Variants in TTC39C observed in about 807,000 individuals in gnomAD.
The protein encoded by TTC39C is tetratricopeptide repeat domain 39C.
In TTC39C, 33 loss-of-function variants were observed where a neutral mutation model predicts 76.3. That is an observed-to-expected ratio of 0.43 (90% CI 0.33 to 0.58). TTC39C has a LOEUF of 0.58. Among genes scored for constraint, TTC39C ranks in the 20% least tolerant of loss-of-function variants. The pLI is 0.04. For synonymous variants in TTC39C, 254 were observed against 260.6 expected (o/e 0.97, Z 0.24); for missense variants, 595 against 701.4 (o/e 0.85, Z 1.71).
At chr18:24,046,924 T>C (rs577593338) in intron 1 of TTC39C, among the ~76,000 whole-genome samples, 119 of 151,940 alleles carry the variant, frequency 7.8e-4, no homozygotes, top group Non-Finnish European at 1.1e-3. Context: ...ATAATGACTT[T>C]TGTTTCACTT....
chr18:24,031,388 C>G (rs566293514), intron 1 of TTC39C, among the ~76,000 whole-genome samples: 1 of 152,310 alleles, frequency 6.6e-6, no homozygotes, highest in African/African-American at 2.4e-5. Context: ...CAAAAGAACC[C>G]TGTTTTTATG....
chr18:24,020,533 G>A (rs778888713), intron 1 of TTC39C, among the ~76,000 whole-genome samples: 36 of 152,138 alleles, frequency 2.4e-4, no homozygotes, highest in Non-Finnish European at 3.2e-4. Flanking sequence ...GACCCCCAGC[G>A]GATACCAAAA....
At chr18:24,078,394 C>T (rs1339287801) in intron 4 of TTC39C, among the ~76,000 whole-genome samples, 1 of 152,174 alleles carries the variant, frequency 6.6e-6, no homozygotes, top group Non-Finnish European at 1.5e-5. Context: ...ATATTTTTAG[C>T]TATGACTTCT....
intron 1 of TTC39C, among the ~76,000 whole-genome samples, chr18:24,020,727 T>C (rs993131189): frequency 1.1e-4 from 17 of 152,210 alleles, no homozygotes; most frequent in African/African-American, 4.1e-4. Flanking sequence ...TCTGTATATC[T>C]AGTACTAATG....
intron 6 of TTC39C, among the ~76,000 whole-genome samples, chr18:24,091,983 C>T (rs1007062803): frequency 4.0e-5 from 6 of 150,274 alleles, no homozygotes; most frequent in Non-Finnish European, 3.0e-5. Context: ...GTCCCAGCTA[C>T]TCGGGAGGCT....
chr18:24,103,813 A>C (rs1389007433), intron 6 of TTC39C, among the ~76,000 whole-genome samples: 1 of 151,806 alleles, frequency 6.6e-6, no homozygotes, highest in African/African-American at 2.4e-5. Flanking sequence ...GTCTGCTCTA[A>C]CATATCTGTC....
At chr18:23,999,759 T>TC (rs1448075644) in intron 1 of TTC39C, among the ~76,000 whole-genome samples, 1 of 152,046 alleles carries the variant, frequency 6.6e-6, no homozygotes, top group African/African-American at 2.4e-5. Context: ...AAGCTGGAGC[T>TC]CCCCACTGAG....
chr18:24,029,488 C>A (rs2083641998), intron 1 of TTC39C, among the ~76,000 whole-genome samples: 1 of 152,156 alleles, frequency 6.6e-6, no homozygotes, highest in African/African-American at 2.4e-5. Flanking sequence ...ACTTAAAGCT[C>A]TTTGAGAAAA....
At chr18:24,047,137 A>G (rs1019132246) in intron 1 of TTC39C, among the ~76,000 whole-genome samples, 1 of 151,698 alleles carries the variant, frequency 6.6e-6, no homozygotes, top group African/African-American at 2.4e-5. Context: ...TCGGTCACAC[A>G]GGCTGGAGTG....
intron 1 of TTC39C, among the ~76,000 whole-genome samples, chr18:24,030,582 G>A (rs771331815): frequency 2.6e-5 from 4 of 151,074 alleles, no homozygotes; most frequent in Non-Finnish European, 5.9e-5. Flanking sequence ...CACGCTGTTC[G>A]TGTGTCACTG....
intron 7 of TTC39C, 67 bp from the exon 8 acceptor site, chr18:24,118,058 G>C (rs1465113915): frequency 2.4e-6 from 3 of 1,264,734 alleles, no homozygotes; most frequent in East Asian, 5.2e-5. Context: ...TCAGAGGCTC[G>C]TGGCTTAAAT....
chr18:24,107,066 C>G (rs1380134417), intron 6 of TTC39C, among the ~76,000 whole-genome samples: 3 of 152,198 alleles, frequency 2.0e-5, no homozygotes, highest in Non-Finnish European at 4.4e-5. Flanking sequence ...CTTTTCGCAA[C>G]TCTAGACGTG....
At chr18:24,112,869 C>G (rs1376601732) in intron 6 of TTC39C, among the ~76,000 whole-genome samples, 1 of 152,142 alleles carries the variant, frequency 6.6e-6, no homozygotes, top group Non-Finnish European at 1.5e-5. Context: ...CTGTTGATCC[C>G]AAAAGGGAAA....
chr18:24,024,012 ATATATTT>A (rs2083564340), intron 1 of TTC39C, among the ~76,000 whole-genome samples: 1 of 6,274 alleles, frequency 1.6e-4, no homozygotes, highest in African/African-American at 5.2e-4. Flanking sequence ...ATATATATAT[ATATATTT>A]TTTTTTTTTT....
chr18:24,062,140 A>G (rs907135267), intron 1 of TTC39C, among the ~76,000 whole-genome samples: 1 of 152,188 alleles, frequency 6.6e-6, no homozygotes, highest in African/African-American at 2.4e-5. Context: ...GTGAAGTCGA[A>G]AGGGCCAGGT....
chr18:24,122,708 A>AAGAC (rs2084986188), intron 8 of TTC39C, among the ~76,000 whole-genome samples: 2 of 152,006 alleles, frequency 1.3e-5, no homozygotes, highest in South Asian at 4.1e-4. Context: ...AGGGACAGAG[A>AAGAC]AGACACAGCA....
At chr18:23,996,327 C>A (rs1298783133) in intron 1 of TTC39C, among the ~76,000 whole-genome samples, 1 of 152,144 alleles carries the variant, frequency 6.6e-6, no homozygotes, top group Non-Finnish European at 1.5e-5. Context: ...TACTATGCAG[C>A]CAAGTTTGGG....
At position 24,047,246 on chromosome 18, in the gene TTC39C, A is replaced by C. The variant is rs144366716; in HGVS notation, c.168-16894A>C. 4.5e-3 allele frequency among the ~76,000 whole-genome samples: 688 copies of C among 151,732 alleles called. 25 individuals carry two copies. The highest frequency in any genetic ancestry group is 0.016 in the African/African-American group (653 of 41,082). ...GTAGCTGGGATTATAGGTGCCTGCC[A>C]CCACATCTGGCTAATTTTTGTATTT... On this transcript the variant is annotated intron_variant, in intron 1 of 13. Transcript: ENST00000317571.
chr18:24,018,700 G>T (rs1384217439), intron 1 of TTC39C, among the ~76,000 whole-genome samples: 1 of 152,082 alleles, frequency 6.6e-6, no homozygotes, highest in Non-Finnish European at 1.5e-5. Context: ...GAGGAGTTGG[G>T]AGGGGCGGGG....
Sources: gnomAD v4.1 joint callset for allele counts (sites outside exome capture counted in the v4.1 genomes callset) on GRCh38, gnomAD v4.1.1 for gene constraint, MANE v1.5 for transcripts, NCBI Gene and HGNC (gene_info 2026-07-23, HGNC 2026-07-21) for gene names.